MICAL2: variants seen among roughly 807,000 people sequenced by gnomAD.
The protein encoded by MICAL2 is microtubule associated monooxygenase, calponin and LIM domain containing 2, also known as [F-actin]-monooxygenase MICAL2.
A neutral mutation model predicts 127.3 loss-of-function variants in MICAL2; 77 were observed. That is an observed-to-expected ratio of 0.60 (90% CI 0.50 to 0.73). The LOEUF (loss-of-function observed/expected upper bound fraction) is 0.73, where lower values mean the gene tolerates loss of function less well. Ranked by LOEUF, MICAL2 falls within the 30% of genes least tolerant of loss-of-function variation. The pLI is 0.00. For missense variants in MICAL2, 1,351 were observed against 1,434.4 expected, an observed-to-expected ratio of 0.94 and a Z score of 0.94; for synonymous variants, 570 against 551.1, an observed-to-expected ratio of 1.03 and a Z score of -0.48.
At chr11:12,330,178 TA>T (rs575256117) in intron 32 of MICAL2, among the ~76,000 whole-genome samples, 10 of 152,208 alleles carry the variant, frequency 6.6e-5, no homozygotes, top group Non-Finnish European at 1.5e-4. Flanking sequence ...CTCTAACTTG[TA>T]ATAACATTTG....
chr11:12,144,785 T>C (rs1306589019), intron 2 of MICAL2, among the ~76,000 whole-genome samples: 2 of 152,192 alleles, frequency 1.3e-5, no homozygotes, highest in Non-Finnish European at 2.9e-5. Context: ...TTCCTCCAGT[T>C]AGTTCAGCAA....
At chr11:12,138,051 T>C (rs1851992562) in intron 1 of MICAL2, among the ~76,000 whole-genome samples, 1 of 152,224 alleles carries the variant, frequency 6.6e-6, no homozygotes, top group African/African-American at 2.4e-5. Flanking sequence ...ACTTAAAAAT[T>C]CTGACACTTT....
chr11:12,244,153 G>A (rs377433253), intron 21 of MICAL2, 41 bp downstream of exon 21: 3 of 1,611,022 alleles, frequency 1.9e-6, no homozygotes, highest in East Asian at 2.2e-5. Flanking sequence ...TTCCCTGCAT[G>A]TTCCCAGATG....
chr11:12,303,196 T>A (rs1864068819), intron 29 of MICAL2, among the ~76,000 whole-genome samples: 1 of 152,162 alleles, frequency 6.6e-6, no homozygotes, highest in East Asian at 1.9e-4. Flanking sequence ...CAAGGTGAGA[T>A]TTGGGTGGGG....
rs1161397306 is a variant in MICAL2 at position 12,255,808 on chromosome 11, G to A, written c.2955+58G>A. Reference sequence around the variant, plus strand: ...GACACTGGCTCTGGCATCCCAGGGCGGGCACATGGGATGTCGAGAGGATGC... The same window carrying A: ...GACACTGGCTCTGGCATCCCAGGGCAGGCACATGGGATGTCGAGAGGATGC... On this transcript the variant is annotated intron_variant, in intron 23 of 27. Transcript: ENST00000683283. 35 of 1,395,010 alleles carry A rather than the reference G, an allele frequency of 2.5e-5. 1 individual carries two copies. Among genetic ancestry groups the A allele is most frequent in the Middle Eastern group, 1.8e-4 (1 of 5,448 alleles). 86.4% of individuals were successfully genotyped at this position (1,395,010 alleles called of 1,614,324 possible). A position where few individuals can be genotyped will look rare whatever the true frequency, so the allele number is the denominator to read the frequency against.
chr11:12,226,185 TGAA>T lies in MICAL2; in HGVS notation c.1704_1706del (p.Leu568_Asn569delinsPhe), dbSNP rs767700101. 1 of 1,614,230 alleles carries T rather than the reference TGAA, an allele frequency of 6.2e-7. No individual in the cohort carries two copies. The highest frequency in any genetic ancestry group is 8.5e-7 in the Non-Finnish European group (1 of 1,180,042). ...TGATTCTCTAGCAACTTTGACTCTTTGAATGAAGATGATGCTGTGGAGAACAAC... is the reference window on the plus strand; with the variant it reads ...TGATTCTCTAGCAACTTTGACTCTTTTGAAGATGATGCTGTGGAGAACAAC... On this transcript the variant is annotated inframe_deletion, in exon 14 of 28. Coordinates refer to ENST00000683283, the MANE Select transcript of MICAL2 (RefSeq NM_001282663.2).
At chr11:12,332,182 A>G (rs925797564) in intron 32 of MICAL2, among the ~76,000 whole-genome samples, 25 of 152,324 alleles carry the variant, frequency 1.6e-4, no homozygotes, top group African/African-American at 5.1e-4. Context: ...AATGGGTTTT[A>G]GGAAATAGAT....
Position 12,252,211 on chromosome 11 carries a change from C to T in MICAL2, c.2847+2965C>T, listed in dbSNP as rs1162911035. ...ATCAGGCAAACAATGGCTTATTGTCCTGAGCTGATACACCTGAACCTTTCT... is the reference window on the plus strand; with the variant it reads ...ATCAGGCAAACAATGGCTTATTGTCTTGAGCTGATACACCTGAACCTTTCT... On this transcript the variant is annotated intron_variant, in intron 22 of 27. Transcript: ENST00000683283. 5.3e-5 allele frequency among the ~76,000 whole-genome samples: 8 copies of T among 152,320 alleles called. 1 individual carries two copies. Among genetic ancestry groups the T allele is most frequent in the Non-Finnish European group, 4.4e-5 (3 of 68,016 alleles).
At chr11:12,239,393 A>G (rs1403380395) in intron 16 of MICAL2, 43 bp from the exon 17 acceptor site, 7 of 1,612,518 alleles carry the variant, frequency 4.3e-6, no homozygotes, top group African/African-American at 1.3e-5. Flanking sequence ...TGATATCCAG[A>G]TTCCAGGATC....
At chr11:12,139,792 T>TTCA (rs1423145375) in intron 2 of MICAL2, among the ~76,000 whole-genome samples, 1 of 152,216 alleles carries the variant, frequency 6.6e-6, no homozygotes, top group Non-Finnish European at 1.5e-5. Flanking sequence ...TGAATTCCAA[T>TTCA]GTTGTCTGAA....
chr11:12,138,897 C>A (rs1291983856), intron 2 of MICAL2, among the ~76,000 whole-genome samples: 1 of 152,134 alleles, frequency 6.6e-6, no homozygotes, highest in Non-Finnish European at 1.5e-5. Flanking sequence ...AACCTTTGTG[C>A]CCTGGGTGGG....
intron 2 of MICAL2, among the ~76,000 whole-genome samples, chr11:12,143,358 T>C (rs1852538886): frequency 6.6e-6 from 1 of 151,266 alleles, no homozygotes; most frequent in Admixed American, 6.6e-5. Flanking sequence ...AGGAGGGGAG[T>C]TCAGAAGTAG....
intron 29 of MICAL2, among the ~76,000 whole-genome samples, chr11:12,314,509 C>T (rs1420915891): frequency 2.6e-5 from 4 of 151,664 alleles, no homozygotes; most frequent in Non-Finnish European, 4.4e-5. Flanking sequence ...GATGGAGTCT[C>T]GCTCTGTCAC....
At chr11:12,117,753 A>T in intron 1 of MICAL2, among the ~76,000 whole-genome samples, 1 of 152,230 alleles carries the variant, frequency 6.6e-6, no homozygotes, top group East Asian at 1.9e-4. Context: ...GTATCAGGAC[A>T]GCCAGGCTTT....
At chr11:12,283,429 T>C (rs1277938209) in intron 2 of MICAL2, among the ~76,000 whole-genome samples, 2 of 148,252 alleles carry the variant, frequency 1.3e-5, no homozygotes, top group Admixed American at 1.3e-4. Flanking sequence ...GGGAAACAAA[T>C]CAAATGTTCA....
Position 12,256,813 on chromosome 11 carries a change from A to C in MICAL2, c.2984A>C (p.Asn995Thr). 1 of 1,613,576 alleles carries C rather than the reference A, an allele frequency of 6.2e-7. No individual in the cohort carries two copies. Among genetic ancestry groups the C allele is most frequent in the Non-Finnish European group, 8.5e-7 (1 of 1,179,670 alleles). Residue 995 changes from asparagine (N) to threonine (T), a missense_variant, in exon 24 of 28, where the codon AAC becomes ACC. By Grantham distance (65) the Asn-to-Thr change is moderately conservative. Transcript: ENST00000683283. ...TCTATGCGAAAGTCATTTCCCCTTAACCTGGGAGGCAGCGACACGTGTTAC... is the reference window on the plus strand; with the variant it reads ...TCTATGCGAAAGTCATTTCCCCTTACCCTGGGAGGCAGCGACACGTGTTAC... ...LESMRKSFPLNLGGSDTCYFC... is the reference protein window; with the variant it reads ...LESMRKSFPLTLGGSDTCYFC...
At position 12,221,711 on chromosome 11, in the gene MICAL2, TGA is replaced by T. The variant is rs771622010; in HGVS notation, c.1275_1276del (p.Lys426GlufsTer14). 6.2e-7 allele frequency: 1 copy of T among 1,613,738 alleles called. No homozygotes were observed. The highest frequency in any genetic ancestry group is 1.3e-5 in the African/African-American group (1 of 74,960). On this transcript the variant is annotated frameshift_variant, in exon 10 of 28. Coordinates refer to ENST00000683283, the MANE Select transcript of MICAL2 (RefSeq NM_001282663.2). LOFTEE classifies it high-confidence loss of function. ...GCAGCCTTTGACACGGCATGGATGG[TGA>T]AGAGCTGGAACCAGGGCACCCCTCC...
intron 15 of MICAL2, among the ~76,000 whole-genome samples, chr11:12,233,016 T>G (rs1365343471): frequency 6.6e-6 from 1 of 152,164 alleles, no homozygotes; most frequent in African/African-American, 2.4e-5. Context: ...TACCCACCCA[T>G]TAGTCACCTT....
At chr11:12,308,285 ATTTT>A (rs1479952472) in intron 29 of MICAL2, 1 of 152,170 alleles carries the variant, frequency 6.6e-6, no homozygotes, top group Non-Finnish European at 1.5e-5. Context: ...TTTCATATGA[ATTTT>A]AGAATTAGCT....
Sources: allele counts gnomAD v4.1 joint callset (sites outside exome capture counted in the v4.1 genomes callset), GRCh38; gene constraint gnomAD v4.1.1; transcripts MANE v1.5; gene names NCBI Gene and HGNC (gene_info 2026-07-23, HGNC 2026-07-21).